Variants in CPED1 observed in about 807,000 individuals in gnomAD.
CPED1 encodes cadherin-like and PC-esterase domain-containing protein 1.
Under a neutral mutation model 128.2 loss-of-function variants are expected in CPED1, and 114 were observed. The ratio of observed to expected loss-of-function variants is 0.89; its 90% confidence interval spans 0.76 to 1.04. The LOEUF (loss-of-function observed/expected upper bound fraction) is 1.04, where lower values mean the gene tolerates loss of function less well. Among genes scored for constraint, CPED1 ranks in the 50% least tolerant of loss-of-function variants. The pLI, the probability that CPED1 is intolerant of heterozygous loss-of-function variation, is 0.00. For synonymous variants in CPED1, 462 were observed against 426.7 expected (o/e 1.08, Z -1.02); for missense variants, 1,211 against 1,207.1 (o/e 1.00, Z -0.05).
intron 3 of CPED1, among the ~76,000 whole-genome samples, chr7:121,030,812 G>A (rs1454241752): frequency 1.3e-5 from 2 of 152,154 alleles, no homozygotes; most frequent in Non-Finnish European, 2.9e-5. Context: ...CCACTTGAGG[G>A]GGGAGGTCTT....
chr7:121,209,559 A>C (rs867051501), intron 16 of CPED1, among the ~76,000 whole-genome samples: 9 of 152,068 alleles, frequency 5.9e-5, no homozygotes, highest in Middle Eastern at 3.2e-3. Context: ...TATATGTAGA[A>C]AAATAAAACT....
intron 5 of CPED1, among the ~76,000 whole-genome samples, chr7:121,081,073 A>G (rs1753302604): frequency 6.6e-6 from 1 of 152,206 alleles, no homozygotes; most frequent in African/African-American, 2.4e-5. Flanking sequence ...ACTCATGGAA[A>G]GGTGATGCTC....
chr7:121,280,034 T>C (rs987617017), intron 22 of CPED1, among the ~76,000 whole-genome samples: 1 of 152,126 alleles, frequency 6.6e-6, no homozygotes, highest in Non-Finnish European at 1.5e-5. Context: ...AAGTCATCAG[T>C]TGGAAATGTT....
At chr7:121,041,820 T>G (rs1793061511) in intron 3 of CPED1, among the ~76,000 whole-genome samples, 1 of 152,186 alleles carries the variant, frequency 6.6e-6, no homozygotes, top group Admixed American at 6.6e-5. Flanking sequence ...AAAACTATAG[T>G]CAGTGCCATT....
intron 18 of CPED1, among the ~76,000 whole-genome samples, chr7:121,262,622 G>T (rs4731006): frequency 0.29 from 43,602 of 151,874 alleles, 6,759 homozygotes; most frequent in Middle Eastern, 0.4. Context: ...TTTTCACAGG[G>T]GAGAGAAAGA....
intron 5 of CPED1, among the ~76,000 whole-genome samples, chr7:121,093,988 C>G (rs1278446941): frequency 6.6e-6 from 1 of 152,080 alleles, no homozygotes; most frequent in African/African-American, 2.4e-5. Context: ...CTGGCTGTGA[C>G]TTCAGTTTGT....
Position 121,295,922 on chromosome 7 carries a change from C to A in CPED1, c.*270C>A. 1 of 326,540 alleles carries A rather than the reference C, an allele frequency of 3.1e-6. No homozygotes were observed. Among genetic ancestry groups the A allele is most frequent in the Non-Finnish European group, 5.7e-6 (1 of 176,478 alleles). The allele number at this position is 326,540 out of a possible 1,614,324, so 20.2% of individuals were successfully genotyped here. A position where few individuals can be genotyped will look rare whatever the true frequency, so the allele number is the denominator to read the frequency against. On this transcript the variant is annotated 3_prime_UTR_variant, in exon 23 of 23. Coordinates refer to ENST00000310396, the MANE Select transcript of CPED1 (RefSeq NM_024913.5). ...ACGTTACTTGAAGCATAATTATTAA[C>A]CAGAACCACTGTGGGCCAGGTATGG...
In CPED1 at chr7:121,135,927, A is replaced by G. The variant is rs1795773940; in HGVS notation, c.1649-113A>G. 3.9e-6 allele frequency: 3 copies of G among 776,864 alleles called. 1 individual carries two copies. Among genetic ancestry groups the G allele is most frequent in the Admixed American group, 7.6e-5 (2 of 26,286 alleles). 48.1% of individuals were successfully genotyped at this position (776,864 alleles called of 1,614,324 possible). On this transcript the variant is annotated intron_variant, in intron 13 of 22. Transcript: ENST00000310396. ...TTGACTTAGAAGTGTTCACTAGTATAATAAAAGTTAAATGAAAAACATGTT... is the reference window on the plus strand; with the variant it reads ...TTGACTTAGAAGTGTTCACTAGTATGATAAAAGTTAAATGAAAAACATGTT...
At chr7:121,133,983 C>A in intron 13 of CPED1, 90 bp downstream of exon 13, 1 of 696,158 alleles carries the variant, frequency 1.4e-6, no homozygotes, top group South Asian at 1.9e-5. Context: ...CATTAGCAAT[C>A]AAAAATGAAA....
At chr7:121,267,423 T>A in intron 21 of CPED1, 121 bp downstream of exon 21, 1 of 478,176 alleles carries the variant, frequency 2.1e-6, no homozygotes, top group Non-Finnish European at 3.6e-6. Context: ...AAAAAAGAGA[T>A]TGTGCTTTAA....
In CPED1 at chr7:121,043,015, C is replaced by T. The variant is rs74772855; in HGVS notation, c.434-3872C>T. Among the ~76,000 whole-genome samples the T allele has an allele frequency of 5.3e-3, 809 of 152,334 alleles. 9 individuals are homozygous for T. Among genetic ancestry groups the T allele is most frequent in the East Asian group, 0.053 (274 of 5,184 alleles). On this transcript the variant is annotated intron_variant, in intron 3 of 22. Transcript: ENST00000310396. ...GATGTCTTAGCACTTCTTACTCTAA[C>T]GTCAACCTTCTCAGTGCAGAAAAGG...
At position 121,124,340 on chromosome 7, in the gene CPED1, T is replaced by G; in HGVS notation, c.928T>G (p.Phe310Val). Residue 310 changes from phenylalanine (F) to valine (V), a missense_variant, in exon 8 of 23, where the codon TTT becomes GTT. Coordinates refer to ENST00000310396, the MANE Select transcript of CPED1 (RefSeq NM_024913.5). ...TTTACTTTGTTCACAGCTGCAAACATTTTTTGAGACATTCCTGAGAGCCAG... is the reference window on the plus strand; with the variant it reads ...TTTACTTTGTTCACAGCTGCAAACAGTTTTTGAGACATTCCTGAGAGCCAG... ...KKRFTVKLQT[F>V]FETFLRASSP... 1 of 1,605,418 alleles carries G rather than the reference T, an allele frequency of 6.2e-7. No individual in the cohort carries two copies. The highest frequency in any genetic ancestry group is 8.5e-7 in the Non-Finnish European group (1 of 1,176,474).
At chr7:121,147,338 A>C (rs1796046170) in intron 16 of CPED1, among the ~76,000 whole-genome samples, 1 of 152,142 alleles carries the variant, frequency 6.6e-6, no homozygotes, top group South Asian at 2.1e-4. Context: ...GCATGCATTC[A>C]ATTACAGAAA....
rs756753784 is a variant in CPED1, at chr7:120,989,610, G to A, written c.-12G>A. 1.7e-5 allele frequency: 27 copies of A among 1,613,440 alleles called. No individual in the cohort carries two copies. The highest frequency in any genetic ancestry group is 2.3e-5 in the Non-Finnish European group (27 of 1,179,818). ...GCAACGTGGACAGGGGCCAAGTGAA[G>A]CTGAACTGGTCATGGTCTGTCGCCC... On this transcript the variant is annotated 5_prime_UTR_variant, in exon 2 of 23. Coordinates refer to ENST00000310396, the MANE Select transcript of CPED1 (RefSeq NM_024913.5).
In CPED1 at chr7:121,241,012, T is replaced by C. The variant is rs1798378720; in HGVS notation, c.2174-3190T>C. ...CAAACCATGCTTGCCAGAACAGAAT[T>C]AGAATTAGAAAGCAAGATATATTCT... On this transcript the variant is annotated intron_variant, in intron 17 of 22. Transcript: ENST00000310396. Among the ~76,000 whole-genome samples, 6 of 152,056 alleles carry C rather than the reference T, an allele frequency of 3.9e-5. No homozygotes were observed. The South Asian group carries it at 1.2e-3, about 31-fold the overall frequency.
At chr7:121,160,481 G>A (rs546393051) in intron 16 of CPED1, among the ~76,000 whole-genome samples, 2 of 152,256 alleles carry the variant, frequency 1.3e-5, no homozygotes, top group African/African-American at 2.4e-5. Context: ...GAAGGGAGAG[G>A]GGTCCATGAT....
intron 5 of CPED1, among the ~76,000 whole-genome samples, chr7:121,070,856 A>G (rs9690141): frequency 0.85 from 128,557 of 151,902 alleles, 55,453 homozygotes; most frequent in East Asian, 0.96. Context: ...ACCAGTTCGT[A>G]AATAACTGAA....
At chr7:121,268,387 C>G (rs1407331140) in intron 21 of CPED1, among the ~76,000 whole-genome samples, 1 of 151,952 alleles carries the variant, frequency 6.6e-6, no homozygotes, top group Non-Finnish European at 1.5e-5. Context: ...TTACTATGTG[C>G]CAGATATTGT....
intron 5 of CPED1, among the ~76,000 whole-genome samples, chr7:121,067,358 T>C (rs540857224): frequency 5.9e-5 from 9 of 152,064 alleles, no homozygotes; most frequent in Admixed American, 5.2e-4. Flanking sequence ...AGTGAGAACA[T>C]GTGGTGTTTG....
Sources: gnomAD v4.1 joint callset for allele counts (sites outside exome capture counted in the v4.1 genomes callset) on GRCh38, gnomAD v4.1.1 for gene constraint, MANE v1.5 for transcripts, NCBI Gene and HGNC (gene_info 2026-07-23, HGNC 2026-07-21) for gene names.